Variants in SGCZ observed in about 807,000 individuals in gnomAD.
SGCZ encodes the protein sarcoglycan zeta.
A neutral mutation model predicts 41.3 loss-of-function variants in SGCZ; 40 were observed. The observed-to-expected ratio is 0.97, with a 90% confidence interval of 0.75 to 1.26. The LOEUF is 1.26. Ranked by LOEUF, SGCZ falls within the 50% of genes most tolerant of loss-of-function variation. The pLI, the probability that SGCZ is intolerant of heterozygous loss-of-function variation, is 0.00. For synonymous variants in SGCZ, 206 were observed against 137.5 expected, an observed-to-expected ratio of 1.50 and a Z score of -3.49; for missense variants, 552 against 369.8, an observed-to-expected ratio of 1.49 and a Z score of -4.04.
intron 1 of SGCZ, among the ~76,000 whole-genome samples, chr8:14,764,191 C>T (rs1799972777): frequency 6.6e-6 from 1 of 152,178 alleles, no homozygotes; most frequent in African/African-American, 2.4e-5. Context: ...TAAAAAAGCA[C>T]TTATTCACAG....
intron 5 of SGCZ, among the ~76,000 whole-genome samples, chr8:14,158,612 T>A (rs539597648): frequency 6.6e-6 from 1 of 152,232 alleles, no homozygotes; most frequent in East Asian, 1.9e-4. Flanking sequence ...ATGAGAGGAA[T>A]TTGACTTACT....
At chr8:14,736,799 T>C (rs141854137) in intron 1 of SGCZ, among the ~76,000 whole-genome samples, 4 of 152,134 alleles carry the variant, frequency 2.6e-5, no homozygotes, top group Non-Finnish European at 5.9e-5. Context: ...TTGCAAATGC[T>C]ATTAATTAGT....
At chr8:14,462,154 A>G (rs1334482762) in intron 2 of SGCZ, among the ~76,000 whole-genome samples, 4 of 151,988 alleles carry the variant, frequency 2.6e-5, no homozygotes, top group African/African-American at 9.7e-5. Context: ...GTGACACTCA[A>G]TTGCACTCTA....
At chr8:14,312,056 G>C (rs978149834) in intron 3 of SGCZ, among the ~76,000 whole-genome samples, 1 of 151,900 alleles carries the variant, frequency 6.6e-6, no homozygotes, top group African/African-American at 2.4e-5. Context: ...GCTATTAGTG[G>C]GGACAATGTT....
At chr8:15,236,870 C>T (rs957373152) in intron 1 of SGCZ, among the ~76,000 whole-genome samples, 1 of 152,086 alleles carries the variant, frequency 6.6e-6, no homozygotes, top group African/African-American at 2.4e-5. Flanking sequence ...GCCGGAGCCT[C>T]CGCAGATGCC....
At chr8:14,463,691 G>C (rs1277198337) in intron 2 of SGCZ, among the ~76,000 whole-genome samples, 2 of 151,632 alleles carry the variant, frequency 1.3e-5, no homozygotes, top group Admixed American at 6.6e-5. Flanking sequence ...GCACTATCAG[G>C]TCTTGTTCTT....
chr8:14,728,254 T>A (rs1810123239), intron 1 of SGCZ, among the ~76,000 whole-genome samples: 1 of 151,682 alleles, frequency 6.6e-6, no homozygotes, highest in South Asian at 2.1e-4. Flanking sequence ...TAACAGGACT[T>A]AATTGTTGAA....
chr8:14,370,356 G>C (rs957079375), intron 2 of SGCZ, among the ~76,000 whole-genome samples: 1 of 151,732 alleles, frequency 6.6e-6, no homozygotes, highest in Middle Eastern at 3.2e-3. Context: ...TGCTTTAGTT[G>C]ATTCATTAAT....
At chr8:15,223,441 T>C (rs1000440528) in intron 1 of SGCZ, among the ~76,000 whole-genome samples, 2 of 152,166 alleles carry the variant, frequency 1.3e-5, no homozygotes, top group African/African-American at 2.4e-5. Context: ...AATAACCTTA[T>C]AAAAAAGCCT....
At chr8:14,492,035 C>T (rs1427328188) in intron 2 of SGCZ, among the ~76,000 whole-genome samples, 1 of 152,076 alleles carries the variant, frequency 6.6e-6, no homozygotes, top group African/African-American at 2.4e-5. Flanking sequence ...AAAATTAATG[C>T]TGTCATTTAT....
chr8:14,952,959 G>C (rs1456378267), intron 1 of SGCZ, among the ~76,000 whole-genome samples: 1 of 152,086 alleles, frequency 6.6e-6, no homozygotes, highest in Non-Finnish European at 1.5e-5. Context: ...TAGAGCAAGA[G>C]AAAAATATCT....
chr8:14,396,020 G>T (rs1397933433), intron 2 of SGCZ, among the ~76,000 whole-genome samples: 1 of 152,126 alleles, frequency 6.6e-6, no homozygotes, highest in Non-Finnish European at 1.5e-5. Flanking sequence ...TTTATGATCG[G>T]AGAGAGGGTA....
rs565780029 is a variant in SGCZ, at chr8:15,119,873, G to A, written c.39+117712C>T. On this transcript the variant is annotated intron_variant, in intron 1 of 7. Transcript: ENST00000382080. Reference sequence around the variant, plus strand: ...TGACCAGGCTGGAGTGCAGTAGTGCGATCATAACGCATTGTGGCCTCGAAC... The same window carrying A: ...TGACCAGGCTGGAGTGCAGTAGTGCAATCATAACGCATTGTGGCCTCGAAC... 4.6e-5 allele frequency among the ~76,000 whole-genome samples: 7 copies of A among 152,236 alleles called. No individual in the cohort carries two copies. In the East Asian group the frequency reaches 9.7e-4, roughly 21 times the overall value.
chr8:15,175,572 A>G (rs2117074287), intron 1 of SGCZ, among the ~76,000 whole-genome samples: 1 of 152,268 alleles, frequency 6.6e-6, no homozygotes, highest in African/African-American at 2.4e-5. Flanking sequence ...CATCAGGAAC[A>G]GCAACTAATG....
intron 4 of SGCZ, among the ~76,000 whole-genome samples, chr8:14,227,219 A>G (rs918231242): frequency 6.6e-6 from 1 of 152,144 alleles, no homozygotes; most frequent in Admixed American, 6.6e-5. Context: ...TAATCTTTGT[A>G]GAAAAATGAA....
intron 4 of SGCZ, among the ~76,000 whole-genome samples, chr8:14,194,455 G>A (rs923348834): frequency 1.3e-5 from 2 of 151,860 alleles, no homozygotes; most frequent in African/African-American, 2.4e-5. Flanking sequence ...AACAGAGGCT[G>A]AGAGAGAACT....
chr8:14,815,945 G>C (rs1473545730), intron 1 of SGCZ, among the ~76,000 whole-genome samples: 1 of 152,064 alleles, frequency 6.6e-6, no homozygotes, highest in African/African-American at 2.4e-5. Flanking sequence ...CTCTTTAGAA[G>C]CATCATCCAA....
chr8:14,200,911 C>G (rs1805435183), intron 4 of SGCZ, among the ~76,000 whole-genome samples: 1 of 152,066 alleles, frequency 6.6e-6, no homozygotes, highest in Non-Finnish European at 1.5e-5. Flanking sequence ...AACTTGGCCT[C>G]AAAGCATATA....
intron 2 of SGCZ, among the ~76,000 whole-genome samples, chr8:14,497,151 T>C (rs1802012021): frequency 6.6e-6 from 1 of 152,206 alleles, no homozygotes; most frequent in South Asian, 2.1e-4. Context: ...TATATTGCTA[T>C]GAAGAAATAC....
Sources: allele counts gnomAD v4.1 joint callset (sites outside exome capture counted in the v4.1 genomes callset), GRCh38; gene constraint gnomAD v4.1.1; transcripts MANE v1.5; gene names NCBI Gene and HGNC (gene_info 2026-07-23, HGNC 2026-07-21).